Variants in PEBP4 observed in about 807,000 individuals in gnomAD.
The protein encoded by PEBP4 is phosphatidylethanolamine-binding protein 4.
A neutral mutation model predicts 23.9 loss-of-function variants in PEBP4; 22 were observed. The ratio of observed to expected loss-of-function variants is 0.92; its 90% CI spans 0.66 to 1.31. The LOEUF (loss-of-function observed/expected upper bound fraction) is 1.31, where lower values mean the gene tolerates loss of function less well. Ranked by LOEUF, PEBP4 falls within the 40% of genes most tolerant of loss-of-function variation. PEBP4 has a pLI of 0.00. For missense variants in PEBP4, 324 were observed against 281.7 expected, an observed-to-expected ratio of 1.15 and a Z score of -1.07; for synonymous variants, 112 against 99.3, an observed-to-expected ratio of 1.13 and a Z score of -0.76.
intron 3 of PEBP4, among the ~76,000 whole-genome samples, chr8:22,848,989 CA>C (rs992736656): frequency 6.6e-6 from 1 of 152,198 alleles, no homozygotes; most frequent in African/African-American, 2.4e-5. Flanking sequence ...TGGAAAGCAG[CA>C]AGTACCAGCT....
intron 4 of PEBP4, among the ~76,000 whole-genome samples, chr8:22,795,400 C>A (rs999192260): frequency 1.6e-4 from 25 of 151,970 alleles, no homozygotes; most frequent in African/African-American, 5.5e-4. Flanking sequence ...TGGTCTCGAT[C>A]TCCTGACCTT....
intron 4 of PEBP4, among the ~76,000 whole-genome samples, chr8:22,732,634 T>TG (rs1554479294): frequency 1.3e-3 from 197 of 149,228 alleles, no homozygotes; most frequent in Admixed American, 1.9e-3. Flanking sequence ...CTGGCCCCAT[T>TG]TGTGTGTGTG....
chr8:22,916,704 TCTCA>T (rs1809083346), intron 3 of PEBP4, among the ~76,000 whole-genome samples: 1 of 149,768 alleles, frequency 6.7e-6, no homozygotes, highest in Non-Finnish European at 1.5e-5. Context: ...CTGTTCACTC[TCTCA>T]CCTAGTCACC....
intron 3 of PEBP4, among the ~76,000 whole-genome samples, chr8:22,850,753 G>A (rs1020775764): frequency 1.8e-4 from 28 of 152,194 alleles, no homozygotes; most frequent in African/African-American, 6.3e-4. Context: ...ATGTCTAGGC[G>A]CATACGCAGG....
At chr8:22,729,543 G>A (rs924976820) in intron 4 of PEBP4, among the ~76,000 whole-genome samples, 3 of 152,242 alleles carry the variant, frequency 2.0e-5, no homozygotes, top group African/African-American at 7.2e-5. Context: ...GATGGGGTGG[G>A]AAGTCTCCCT....
chr8:22,811,027 T>C (rs777091505), intron 4 of PEBP4, among the ~76,000 whole-genome samples: 1 of 152,202 alleles, frequency 6.6e-6, no homozygotes. Flanking sequence ...TTCCTGTATA[T>C]ACTGGCTCCC....
intron 4 of PEBP4, among the ~76,000 whole-genome samples, chr8:22,728,559 T>TCTTTCTTTCTTTCTTTCTTC (rs1462225042): frequency 1.0e-5 from 1 of 96,316 alleles, no homozygotes; most frequent in African/African-American, 4.6e-5. Context: ...TTTCTTTCTT[T>TCTTTCTTTCTTTCTTTCTTC]CTTCCTTCCT....
chr8:22,928,563 A>C (rs1041167002), upstream of PEBP4, among the ~76,000 whole-genome samples: 1 of 152,152 alleles, frequency 6.6e-6, no homozygotes, highest in Non-Finnish European at 1.5e-5. Flanking sequence ...CTTGGGGAAC[A>C]GTCCTGCCAC....
At chr8:22,736,928 T>G (rs1208359336) in intron 4 of PEBP4, among the ~76,000 whole-genome samples, 1 of 152,220 alleles carries the variant, frequency 6.6e-6, no homozygotes, top group African/African-American at 2.4e-5. Flanking sequence ...TTATGTGATT[T>G]TAAATACCAT....
At chr8:22,823,942 C>T (rs1416595995) in intron 3 of PEBP4, among the ~76,000 whole-genome samples, 4 of 152,068 alleles carry the variant, frequency 2.6e-5, no homozygotes, top group African/African-American at 9.7e-5. Flanking sequence ...CCAATCTTTG[C>T]CCATAAAATT....
chr8:22,902,331 AAAAAAC>A (rs1302376982), intron 3 of PEBP4, among the ~76,000 whole-genome samples: 2 of 152,186 alleles, frequency 1.3e-5, no homozygotes, highest in African/African-American at 4.8e-5. Flanking sequence ...CTCCGTCTCA[AAAAAAC>A]AAAAACAAAA....
At chr8:22,827,330 T>C (rs902300212) in intron 3 of PEBP4, among the ~76,000 whole-genome samples, 2 of 152,194 alleles carry the variant, frequency 1.3e-5, no homozygotes, top group African/African-American at 4.8e-5. Context: ...ATCACCATAA[T>C]CTAAATTTAG....
At chr8:22,734,708 G>A (rs145974316) in intron 4 of PEBP4, among the ~76,000 whole-genome samples, 2 of 152,302 alleles carry the variant, frequency 1.3e-5, no homozygotes, top group East Asian at 1.9e-4. Context: ...ATTGAAAGGA[G>A]GCTAGATTTT....
chr8:22,922,201 G>T (rs746894653), intron 2 of PEBP4, among the ~76,000 whole-genome samples: 1 of 152,080 alleles, frequency 6.6e-6, no homozygotes, highest in Non-Finnish European at 1.5e-5. Context: ...TGAACATAGC[G>T]TATTGCCCCA....
At chr8:22,866,957 C>A (rs2128769774) in intron 3 of PEBP4, among the ~76,000 whole-genome samples, 1 of 152,092 alleles carries the variant, frequency 6.6e-6, no homozygotes, top group African/African-American at 2.4e-5. Context: ...GAACTTTGTA[C>A]CCCAGCTGTG....
chr8:22,822,658 A>AT, intron 3 of PEBP4, among the ~76,000 whole-genome samples: 2 of 152,290 alleles, frequency 1.3e-5, no homozygotes, highest in South Asian at 2.1e-4. Flanking sequence ...GGTACTTTCT[A>AT]CATATTAATA....
chr8:22,837,307 C>T (rs1222606670), intron 3 of PEBP4, among the ~76,000 whole-genome samples: 1 of 152,030 alleles, frequency 6.6e-6, no homozygotes, highest in African/African-American at 2.4e-5. Flanking sequence ...TTTGGTAAAC[C>T]AACTCTCTCA....
At chr8:22,848,813 C>T (rs549938822) in intron 3 of PEBP4, among the ~76,000 whole-genome samples, 1 of 152,318 alleles carries the variant, frequency 6.6e-6, no homozygotes, top group African/African-American at 2.4e-5. Context: ...GGGAAAAAGG[C>T]AGACTGCTGA....
intron 4 of PEBP4, among the ~76,000 whole-genome samples, chr8:22,746,564 T>G (rs1467065178): frequency 6.6e-6 from 1 of 151,770 alleles, no homozygotes; most frequent in African/African-American, 2.4e-5. Context: ...CTCCCTGTCC[T>G]CTCTCCTCTC....
Sources: gnomAD v4.1 joint callset for allele counts (sites outside exome capture counted in the v4.1 genomes callset) on GRCh38, gnomAD v4.1.1 for gene constraint, MANE v1.5 for transcripts, NCBI Gene and HGNC (gene_info 2026-07-23, HGNC 2026-07-21) for gene names.